Variants in XXYLT1 observed in about 807,000 individuals in gnomAD.
XXYLT1 encodes xyloside xylosyltransferase 1.
In XXYLT1, 20 loss-of-function variants were observed where a neutral mutation model predicts 28.9. That is an observed-to-expected ratio of 0.69 (90% CI 0.49 to 1.00). The LOEUF (loss-of-function observed/expected upper bound fraction) is 1.00, where lower values mean the gene tolerates loss of function less well. XXYLT1 is among the 50% of genes least tolerant of loss of function. XXYLT1 has a pLI of 0.00. For missense variants in XXYLT1, 542 were observed against 560.1 expected, an observed-to-expected ratio of 0.97 and a Z score of 0.33; for synonymous variants, 257 against 253.8, an observed-to-expected ratio of 1.01 and a Z score of -0.12.
At chr3:195,138,859 A>T (rs1421357757) in intron 3 of XXYLT1, among the ~76,000 whole-genome samples, 2 of 68,634 alleles carry the variant, frequency 2.9e-5, no homozygotes, top group African/African-American at 8.7e-5. Context: ...TGCCTCAGGA[A>T]AAAAAAAAAA....
chr3:195,145,704 C>T (rs2108656910), intron 3 of XXYLT1, among the ~76,000 whole-genome samples: 1 of 152,360 alleles, frequency 6.6e-6, no homozygotes, highest in Middle Eastern at 3.4e-3. Flanking sequence ...CCATAGAATC[C>T]ACCAGCCTCA....
intron 3 of XXYLT1, among the ~76,000 whole-genome samples, chr3:195,075,993 C>T (rs1251480639): frequency 2.6e-5 from 4 of 152,110 alleles, no homozygotes; most frequent in Admixed American, 2.6e-4. Context: ...AGGCACACCG[C>T]AGAGGGCTTC....
chr3:195,143,818 A>T (rs1449525890), intron 3 of XXYLT1, among the ~76,000 whole-genome samples: 1 of 96,304 alleles, frequency 1.0e-5, no homozygotes, highest in Non-Finnish European at 2.0e-5. Flanking sequence ...ATATATAGAT[A>T]TAGATATATA....
Position 195,150,827 on chromosome 3 carries a change from C to T in XXYLT1, c.785+5622G>A, listed in dbSNP as rs1040935371. 1.4e-5 allele frequency among the ~76,000 whole-genome samples: 2 copies of T among 140,982 alleles called. No individual in the cohort carries two copies. The highest frequency in any genetic ancestry group is 3.0e-5 in the Non-Finnish European group (2 of 65,940). The allele number at this position is 140,982 out of a possible 152,430, so 92.5% of individuals were successfully genotyped here. A position where few individuals can be genotyped will look rare whatever the true frequency, so the allele number is the denominator to read the frequency against. ...ACACACTCACATACACACACACTCA[C>T]ACATACGCACACTCTCTCACACACT... On this transcript the variant is annotated intron_variant, in intron 3 of 3. Transcript: ENST00000310380. This position sits in a 1 kb window ranked among gnomAD's most constrained non-coding sequence, Gnocchi z 4.7.
chr3:195,228,229 G>T (rs1202085117), intron 1 of XXYLT1, among the ~76,000 whole-genome samples: 1 of 152,108 alleles, frequency 6.6e-6, no homozygotes, highest in African/African-American at 2.4e-5. Flanking sequence ...GCAGCAAAAG[G>T]CAAAGCCACG....
Position 195,220,805 on chromosome 3 carries a change from G to A in XXYLT1, c.652+5904C>T, listed in dbSNP as rs114547460. Among the ~76,000 whole-genome samples the A allele has an allele frequency of 1.7e-3, 259 of 152,350 alleles. 1 individual carries two copies. The highest frequency in any genetic ancestry group is 4.8e-3 in the African/African-American group (199 of 41,590). ...GAGGCAGACACTACCAGCAGGTTGT[G>A]TGTGATGGGGTCCAAGCAAGGGACA... On this transcript the variant is annotated intron_variant, in intron 2 of 3. Coordinates refer to ENST00000310380, the MANE Select transcript of XXYLT1 (RefSeq NM_152531.5).
chr3:195,181,609 C>T (rs1281150937), intron 2 of XXYLT1, among the ~76,000 whole-genome samples: 3 of 152,120 alleles, frequency 2.0e-5, no homozygotes, highest in Non-Finnish European at 4.4e-5. Flanking sequence ...CAACAACCCT[C>T]GAGATAGGTG....
intron 3 of XXYLT1, among the ~76,000 whole-genome samples, chr3:195,074,612 A>T (rs2108639087): frequency 6.6e-6 from 1 of 152,276 alleles, no homozygotes; most frequent in East Asian, 1.9e-4. Context: ...GGGACATTTC[A>T]AGTCCACCCA....
At chr3:195,121,373 T>C (rs979536371) in intron 3 of XXYLT1, among the ~76,000 whole-genome samples, 1 of 152,170 alleles carries the variant, frequency 6.6e-6, no homozygotes, top group Non-Finnish European at 1.5e-5. Flanking sequence ...GCACGCAGGA[T>C]GGATGGAGAC....
At chr3:195,086,380 G>A (rs994253902) in intron 3 of XXYLT1, among the ~76,000 whole-genome samples, 4 of 152,168 alleles carry the variant, frequency 2.6e-5, no homozygotes, top group African/African-American at 7.2e-5. Flanking sequence ...CTGGCGTCTC[G>A]GCCGCTCCCC....
intron 1 of XXYLT1, among the ~76,000 whole-genome samples, chr3:195,259,339 T>A (rs1291094708): frequency 6.6e-6 from 1 of 152,256 alleles, no homozygotes; most frequent in East Asian, 1.9e-4. Context: ...GAGTGGCCTC[T>A]CAGAGTCAGA....
Position 195,176,448 on chromosome 3 carries a change from A to G in XXYLT1, c.653-19867T>C, listed in dbSNP as rs774114655. Among the ~76,000 whole-genome samples the G allele has an allele frequency of 6.6e-6, 1 of 152,216 alleles. No individual in the cohort carries two copies. Among genetic ancestry groups the G allele is most frequent in the Non-Finnish European group, 1.5e-5 (1 of 68,034 alleles). On this transcript the variant is annotated intron_variant, in intron 2 of 3. Transcript: ENST00000310380. The surrounding 1 kb of genome is among the most constrained non-coding windows in gnomAD (Gnocchi z 4.9). Reference sequence around the variant, plus strand: ...CACACTTCTCCCCCATGATCTGAAAAGAACTGGTATGAAATGAGATGAGAA... The same window carrying G: ...CACACTTCTCCCCCATGATCTGAAAGGAACTGGTATGAAATGAGATGAGAA...
In XXYLT1 at chr3:195,076,488, A is replaced by T. The variant is rs1715126377; in HGVS notation, c.786-6377T>A. Among the ~76,000 whole-genome samples the T allele has an allele frequency of 6.6e-6, 1 of 152,098 alleles. No homozygotes were observed. Among genetic ancestry groups the T allele is most frequent in the Admixed American group, 6.5e-5 (1 of 15,274 alleles). ...ACTAGACAAGCCAAGCATTCTGGAG[A>T]GTTGCCCCTGTTACAGCCTGCACAG... On this transcript the variant is annotated intron_variant, in intron 3 of 3. Transcript: ENST00000310380. The surrounding 1 kb of genome is among the most constrained non-coding windows in gnomAD (Gnocchi z 5.3).
intron 2 of XXYLT1, among the ~76,000 whole-genome samples, chr3:195,219,653 C>T (rs567966813): frequency 6.6e-6 from 1 of 152,364 alleles, no homozygotes; most frequent in African/African-American, 2.4e-5. Context: ...TGTCAACTAC[C>T]TGAATCTTAC....
intron 3 of XXYLT1, among the ~76,000 whole-genome samples, chr3:195,127,139 G>A (rs56255905): frequency 0.042 from 6,416 of 152,222 alleles, 460 homozygotes; most frequent in African/African-American, 0.15. Context: ...TCTTCGCTTT[G>A]GGAAAAGCCT....
At chr3:195,119,319 A>C (rs1577051221) in intron 3 of XXYLT1, among the ~76,000 whole-genome samples, 1 of 151,548 alleles carries the variant, frequency 6.6e-6, no homozygotes, top group Non-Finnish European at 1.5e-5. Flanking sequence ...AATAACATAT[A>C]TAGTGAAGCT....
intron 2 of XXYLT1, among the ~76,000 whole-genome samples, chr3:195,169,751 C>T (rs1018640020): frequency 1.3e-5 from 2 of 151,824 alleles, no homozygotes; most frequent in Non-Finnish European, 2.9e-5. Flanking sequence ...CTTTTGTAAT[C>T]ACAGGGATAA....
At chr3:195,215,651 G>A (rs1267589983) in intron 2 of XXYLT1, among the ~76,000 whole-genome samples, 1 of 148,316 alleles carries the variant, frequency 6.7e-6, no homozygotes. Flanking sequence ...ACCCAATACA[G>A]GAGCACCAAG....
chr3:195,071,380 G>C (rs972396778), intron 3 of XXYLT1, among the ~76,000 whole-genome samples: 1 of 152,188 alleles, frequency 6.6e-6, no homozygotes, highest in Non-Finnish European at 1.5e-5. Flanking sequence ...CCCTGCCCAG[G>C]GTGGCCCTGA....
Sources: allele counts gnomAD v4.1 joint callset (sites outside exome capture counted in the v4.1 genomes callset), GRCh38; gene constraint gnomAD v4.1.1; non-coding constraint Gnocchi (gnomAD v3.1); transcripts MANE v1.5; gene names NCBI Gene and HGNC (gene_info 2026-07-23, HGNC 2026-07-21).